Variants in DMD observed in about 807,000 individuals in gnomAD.
DMD encodes the protein dystrophin, also known as mutant dystrophin.
A neutral mutation model predicts 330.1 loss-of-function variants in DMD; 63 were observed. The ratio of observed to expected loss-of-function variants is 0.19; its 90% CI spans 0.16 to 0.24. The LOEUF is 0.24. Ranked by LOEUF, DMD falls within the 10% of genes least tolerant of loss-of-function variation. The pLI is 1.00. For missense variants in DMD, 3,344 were observed against 2,684.1 expected, an observed-to-expected ratio of 1.25 and a Z score of -5.43; for synonymous variants, 1,223 against 959.8, an observed-to-expected ratio of 1.27 and a Z score of -5.07.
At chrX:32,611,635 C>T (rs1228027313) in intron 12 of DMD, among the ~76,000 whole-genome samples, 4 of 111,317 alleles carry the variant, frequency 3.6e-5, no homozygotes, top group African/African-American at 1.3e-4. Context: ...GTTCAGCGTC[C>T]CAAGCTAAGA....
At chrX:32,406,128 C>T (rs1259959982) in intron 30 of DMD, among the ~76,000 whole-genome samples, 2 of 111,670 alleles carry the variant, frequency 1.8e-5, no homozygotes, top group Non-Finnish European at 3.8e-5. Context: ...GCTGAAGTTG[C>T]TTATCAGCTT....
intron 44 of DMD, among the ~76,000 whole-genome samples, chrX:32,207,680 G>T (rs1488289113): frequency 2.7e-5 from 3 of 111,914 alleles, no homozygotes; most frequent in Non-Finnish European, 5.6e-5. Flanking sequence ...CACTGGTTAT[G>T]AGATTAAATT....
At chrX:33,011,107 T>C (rs952171592) in intron 2 of DMD, among the ~76,000 whole-genome samples, 2 of 111,766 alleles carry the variant, frequency 1.8e-5, no homozygotes, top group Non-Finnish European at 3.8e-5. Flanking sequence ...TTGCCAAATG[T>C]AAAGGGTAGA....
intron 50 of DMD, among the ~76,000 whole-genome samples, chrX:31,788,765 T>C (rs1027662055): frequency 1.7e-4 from 19 of 111,530 alleles, no homozygotes; most frequent in African/African-American, 5.5e-4. Flanking sequence ...TGGGTGCATA[T>C]ATATTTACAA....
Position 32,725,865 on chromosome X carries a change from T to C in DMD, c.650-26572A>G, listed in dbSNP as rs141978273. Among the ~76,000 whole-genome samples the C allele has an allele frequency of 2.7e-3, 301 of 111,228 alleles. 3 individuals carry two copies. The highest frequency in any genetic ancestry group is 9.0e-3 in the African/African-American group (277 of 30,779). ...TGTTTATAACACAAAGGATAAATGC[T>C]TGAGTGGATGGATACCCCATTCTCC... On this transcript the variant is annotated intron_variant, in intron 7 of 78. Coordinates refer to ENST00000357033, the MANE Select transcript of DMD (RefSeq NM_004006.3).
At chrX:32,014,205 T>C (rs2095740541) in intron 44 of DMD, among the ~76,000 whole-genome samples, 1 of 112,060 alleles carries the variant, frequency 8.9e-6, no homozygotes, top group Admixed American at 9.5e-5. Flanking sequence ...CCTGAAGTAA[T>C]TCATGGGGTC....
intron 48 of DMD, among the ~76,000 whole-genome samples, chrX:31,844,418 C>T (rs186475610): frequency 2.4e-4 from 26 of 109,993 alleles, no homozygotes; most frequent in African/African-American, 6.9e-4. Flanking sequence ...AAGTCCCATT[C>T]TCTTTGGGTA....
At chrX:31,462,340 C>T (rs1007231664) in intron 59 of DMD, among the ~76,000 whole-genome samples, 8 of 110,860 alleles carry the variant, frequency 7.2e-5, no homozygotes, top group Admixed American at 2.9e-4. Context: ...ATTAGCCAGG[C>T]GTGGCGGTGC....
intron 44 of DMD, among the ~76,000 whole-genome samples, chrX:32,185,391 A>G (rs960959079): frequency 9.0e-6 from 1 of 111,186 alleles, no homozygotes; most frequent in African/African-American, 3.3e-5. Flanking sequence ...GTCTGGCTGC[A>G]CCTTCGACTC....
At position 32,937,904 on chromosome X, in the gene DMD, A is replaced by T. The variant is rs145703292; in HGVS notation, c.93+82235T>A. On this transcript the variant is annotated intron_variant, in intron 2 of 78. Transcript: ENST00000357033. ...ATTTGGGGATGATGTCAATTATTCA[A>T]AGAACCTGAAAAAAGTAGTGAAGTT... 4.6e-3 allele frequency among the ~76,000 whole-genome samples: 513 copies of T among 111,241 alleles called. 4 individuals carry two copies. The highest frequency in any genetic ancestry group is 0.016 in the African/African-American group (489 of 30,618).
At position 32,438,229 on chromosome X, in the gene DMD, T is replaced by G; in HGVS notation, c.4071+12A>C. 1 of 1,210,191 alleles carries G rather than the reference T, an allele frequency of 8.3e-7. No homozygotes were observed. On this transcript the variant is annotated intron_variant, in intron 29 of 78. Transcript: ENST00000357033. The stretch of plus-strand genomic sequence containing the variant: ...AAATTAGATTAAAGAGATTTTTCAC[T>G]TATCTTCATACCTCTTCATGTAGTT...
chrX:33,224,380 T>C (rs1271963517), intron 1 of DMD, among the ~76,000 whole-genome samples: 1 of 111,807 alleles, frequency 8.9e-6, no homozygotes, highest in Non-Finnish European at 1.9e-5. Flanking sequence ...ATTCAGACTA[T>C]AGATGCTAAA....
intron 33 of DMD, among the ~76,000 whole-genome samples, chrX:32,382,682 G>A (rs966374234): frequency 9.2e-6 from 1 of 108,616 alleles, no homozygotes; most frequent in Non-Finnish European, 1.9e-5. Context: ...TTGTAGGGGT[G>A]TGTGGGGGGT....
intron 44 of DMD, among the ~76,000 whole-genome samples, chrX:32,124,954 T>A (rs767426737): frequency 1.0e-5 from 1 of 100,422 alleles, no homozygotes; most frequent in South Asian, 4.6e-4. Flanking sequence ...GCACTGTAGT[T>A]AGAGAAATCT....
intron 2 of DMD, chrX:32,960,099 T>A (rs1189267313): frequency 8.9e-6 from 1 of 112,267 alleles, no homozygotes; most frequent in Non-Finnish European, 1.9e-5. Flanking sequence ...TCTCATTAAA[T>A]GCCTGATCAC....
chrX:33,123,923 G>C (rs1446323447), intron 1 of DMD, among the ~76,000 whole-genome samples: 1 of 109,834 alleles, frequency 9.1e-6, no homozygotes, highest in Non-Finnish European at 1.9e-5. Flanking sequence ...CCAACACTTT[G>C]GGAGGCCGAG....
chrX:32,917,821 A>AC (rs2087976632), intron 2 of DMD, among the ~76,000 whole-genome samples: 1 of 111,035 alleles, frequency 9.0e-6, no homozygotes, highest in Non-Finnish European at 1.9e-5. Flanking sequence ...GTCAGTTCCC[A>AC]CTATCGGAGA....
chrX:31,319,017 T>C (rs1291780682), intron 62 of DMD, among the ~76,000 whole-genome samples: 1 of 112,370 alleles, frequency 8.9e-6, no homozygotes, highest in Admixed American at 9.4e-5. Context: ...CGGCTAGAAC[T>C]AATATATGCA....
intron 57 of DMD, among the ~76,000 whole-genome samples, chrX:31,489,985 G>C (rs1364128647): frequency 8.9e-6 from 1 of 111,755 alleles, no homozygotes; most frequent in Non-Finnish European, 1.9e-5. Flanking sequence ...AGATGACTCA[G>C]TTCTTCAGTT....
Sources: allele counts gnomAD v4.1 joint callset (sites outside exome capture counted in the v4.1 genomes callset), GRCh38; gene constraint gnomAD v4.1.1; transcripts MANE v1.5; gene names NCBI Gene and HGNC (gene_info 2026-07-23, HGNC 2026-07-21).